DLC1: variants seen among roughly 807,000 people sequenced by gnomAD.
The protein encoded by DLC1 is DLC1 Rho GTPase activating protein, also known as rho GTPase-activating protein 7.
In DLC1, 54 loss-of-function variants were observed where a neutral mutation model predicts 140.3. The ratio of observed to expected loss-of-function variants is 0.38; its 90% CI spans 0.31 to 0.48. The LOEUF is 0.48. Ranked by LOEUF, DLC1 falls within the 20% of genes least tolerant of loss-of-function variation. The probability of loss-of-function intolerance (pLI) is 0.96; values close to 1 mark genes in which losing one functional copy is unlikely to be tolerated. For synonymous variants in DLC1, 986 were observed against 728.1 expected, an observed-to-expected ratio of 1.35 and a Z score of -5.70; for missense variants, 2,536 against 1,907.0, an observed-to-expected ratio of 1.33 and a Z score of -6.14.
intron 5 of DLC1, among the ~76,000 whole-genome samples, chr8:13,129,303 A>T (rs1821882451): frequency 6.6e-6 from 1 of 152,230 alleles, no homozygotes; most frequent in African/African-American, 2.4e-5. Context: ...ACAGTTGTGA[A>T]AGTGCTCCAG....
Position 13,579,342 on chromosome 8 carries a change from TA to T in DLC1, c.-126+25194del, listed in dbSNP as rs1563453919. 2.9e-4 allele frequency among the ~76,000 whole-genome samples: 16 copies of T among 55,528 alleles called. 3 individuals are homozygous for T. In the East Asian group the frequency reaches 3.4e-3, roughly 12 times the overall value. The allele number at this position is 55,528 out of a possible 152,430, so 36.4% of individuals were successfully genotyped here. ...ATATATATATATATATATATATATA[TA>T]TATATATATATATATATATTTTTAT... On this transcript the variant is annotated intron_variant, in intron 1 of 1. Transcript: ENST00000631382.
chr8:13,412,357 T>G (rs1837818319), intron 2 of DLC1, among the ~76,000 whole-genome samples: 1 of 152,206 alleles, frequency 6.6e-6, no homozygotes, highest in African/African-American at 2.4e-5. Context: ...TATCGAAATT[T>G]AAAGTAGAAC....
intron 5 of DLC1, among the ~76,000 whole-genome samples, chr8:13,246,200 C>G (rs1340695211): frequency 1.3e-5 from 2 of 151,950 alleles, no homozygotes; most frequent in Non-Finnish European, 2.9e-5. Flanking sequence ...GAGTTAAAGG[C>G]AGGAAGGAAT....
At chr8:13,310,349 C>G (rs939326294) in intron 4 of DLC1, among the ~76,000 whole-genome samples, 1 of 152,142 alleles carries the variant, frequency 6.6e-6, no homozygotes, top group Non-Finnish European at 1.5e-5. Flanking sequence ...AAATCAGTGA[C>G]AGAGTAATTT....
At chr8:13,102,681 G>A (rs897668683) in intron 8 of DLC1, 109 bp downstream of exon 8, 13 of 988,730 alleles carry the variant, frequency 1.3e-5, no homozygotes, top group African/African-American at 1.1e-4. Flanking sequence ...AGATGCTTAC[G>A]GAACAACAAA....
chr8:13,347,164 C>T (rs377176826), intron 4 of DLC1, among the ~76,000 whole-genome samples: 1 of 152,166 alleles, frequency 6.6e-6, no homozygotes, highest in Non-Finnish European at 1.5e-5. Flanking sequence ...ATATGTTCCC[C>T]TTTGGAAAAT....
chr8:13,257,612 C>T (rs1019811755), intron 5 of DLC1, among the ~76,000 whole-genome samples: 1 of 151,764 alleles, frequency 6.6e-6, no homozygotes, highest in Non-Finnish European at 1.5e-5. Flanking sequence ...AAAATGTTTG[C>T]TGTATTCAAC....
intron 3 of DLC1, among the ~76,000 whole-genome samples, chr8:13,396,879 C>T (rs965075558): frequency 2.6e-5 from 4 of 152,232 alleles, no homozygotes; most frequent in African/African-American, 9.6e-5. Context: ...ATAAGCAGAC[C>T]AAGCAGTGAA....
At chr8:13,354,242 G>A (rs939118318) in intron 4 of DLC1, among the ~76,000 whole-genome samples, 1 of 152,054 alleles carries the variant, frequency 6.6e-6, no homozygotes, top group African/African-American at 2.4e-5. Flanking sequence ...GCCTTTCATG[G>A]CCTTCTAACT....
At position 13,107,337 on chromosome 8, in the gene DLC1, A is replaced by C. The variant is rs560793721; in HGVS notation, c.1502+3405T>G. On this transcript the variant is annotated intron_variant, in intron 7 of 17. Coordinates refer to ENST00000276297, the MANE Select transcript of DLC1 (RefSeq NM_182643.3). ...TAAGATCTGTAAATGTCACAGGTAC[A>C]TGAACACTCTAAACTAAGAATAATG... Among the ~76,000 whole-genome samples the C allele has an allele frequency of 1.8e-4, 28 of 152,378 alleles. No homozygotes were observed. The South Asian group carries it at 5.8e-3, about 32-fold the overall frequency.
intron 5 of DLC1, among the ~76,000 whole-genome samples, chr8:13,197,464 T>C (rs1282575312): frequency 6.6e-6 from 1 of 152,044 alleles, no homozygotes; most frequent in Non-Finnish European, 1.5e-5. Flanking sequence ...TTCTCCTGCC[T>C]CAACCTCCTG....
At chr8:13,399,629 T>C (rs2117244439) in intron 3 of DLC1, among the ~76,000 whole-genome samples, 1 of 152,296 alleles carries the variant, frequency 6.6e-6, no homozygotes, top group Non-Finnish European at 1.5e-5. Context: ...AAACCAGGCT[T>C]GCAAAGGAGA....
rs556929956 is a variant in DLC1 at position 13,206,657 on chromosome 8, G to T, written c.1349-91000C>A. Among the ~76,000 whole-genome samples, 40 of 152,178 alleles carry T rather than the reference G, an allele frequency of 2.6e-4. 1 individual carries two copies. The South Asian group carries it at 7.1e-3, about 27-fold the overall frequency. ...AATAAACGAGCTATTTTAGCAAAAA[G>T]TTAAAGCTAAAAGTGCACAAAATGC... On this transcript the variant is annotated intron_variant, in intron 5 of 17. Coordinates refer to ENST00000276297, the MANE Select transcript of DLC1 (RefSeq NM_182643.3).
rs552965867 is a variant in DLC1, at chr8:13,333,515, T to C, written c.1315-28213A>G. Among the ~76,000 whole-genome samples, 4 of 152,282 alleles carry C rather than the reference T, an allele frequency of 2.6e-5. 1 individual carries two copies. The South Asian group carries it at 8.3e-4, about 32-fold the overall frequency. The stretch of plus-strand genomic sequence containing the variant: ...CTTCCTGTTTTAGACTCCCAATATG[T>C]GGGGATCAACAGGTGTAAACGATCA... On this transcript the variant is annotated intron_variant, in intron 4 of 17. Coordinates refer to ENST00000276297, the MANE Select transcript of DLC1 (RefSeq NM_182643.3).
At chr8:13,225,967 C>T (rs1231596792) in intron 5 of DLC1, among the ~76,000 whole-genome samples, 2 of 152,122 alleles carry the variant, frequency 1.3e-5, no homozygotes, top group African/African-American at 2.4e-5. Flanking sequence ...AACTGGACTG[C>T]AGTGGTGCAA....
chr8:13,576,648 C>T (rs1379265186), intron 1 of DLC1, among the ~76,000 whole-genome samples: 1 of 152,216 alleles, frequency 6.6e-6, no homozygotes, highest in African/African-American at 2.4e-5. Context: ...GGGCCTTGTC[C>T]TATGTGCAGA....
intron 5 of DLC1, among the ~76,000 whole-genome samples, chr8:13,183,245 A>T (rs1826143676): frequency 6.6e-6 from 1 of 152,200 alleles, no homozygotes; most frequent in African/African-American, 2.4e-5. Context: ...TAAATATACA[A>T]TCATGTCATC....
intron 5 of DLC1, among the ~76,000 whole-genome samples, chr8:13,165,712 A>G (rs1000889603): frequency 1.3e-5 from 2 of 152,208 alleles, no homozygotes; most frequent in Admixed American, 1.3e-4. Flanking sequence ...CGGCCTCTAC[A>G]CCTTCCTGTA....
chr8:13,522,116 C>A (rs536205309), intron 1 of DLC1, among the ~76,000 whole-genome samples: 1 of 152,086 alleles, frequency 6.6e-6, no homozygotes, highest in Non-Finnish European at 1.5e-5. Context: ...TCCACCCGCT[C>A]CAAAAGGTGG....
Sources: gnomAD v4.1 joint callset for allele counts (sites outside exome capture counted in the v4.1 genomes callset) on GRCh38, gnomAD v4.1.1 for gene constraint, MANE v1.5 for transcripts, NCBI Gene and HGNC (gene_info 2026-07-23, HGNC 2026-07-21) for gene names.